The following ZNF18 variants were observed in gnomAD, a reference collection of about 807,000 sequenced individuals.
ZNF18 encodes heart development-specific gene 1 protein.
Under a neutral mutation model 58.1 loss-of-function variants are expected in ZNF18, and 42 were observed. That is an observed-to-expected ratio of 0.72 (90% CI 0.56 to 0.93). The LOEUF (loss-of-function observed/expected upper bound fraction) is 0.93. Ranked by LOEUF, ZNF18 falls within the 40% of genes least tolerant of loss-of-function variation. The probability of loss-of-function intolerance (pLI) is 0.00; values close to 1 mark genes in which losing one functional copy is unlikely to be tolerated. For synonymous variants in ZNF18, 231 were observed against 239.8 expected (o/e 0.96, Z 0.34); for missense variants, 540 against 644.2 (o/e 0.84, Z 1.75).
upstream of ZNF18, among the ~76,000 whole-genome samples, chr17:12,000,580 C>T (rs958896553): frequency 3.3e-5 from 5 of 152,042 alleles, no homozygotes; most frequent in South Asian, 2.1e-4. Flanking sequence ...TGGAGGTGCA[C>T]GCCTGTAATA....
At chr17:11,984,721 A>C (rs542075897) in intron 4 of ZNF18, among the ~76,000 whole-genome samples, 3 of 152,042 alleles carry the variant, frequency 2.0e-5, no homozygotes, top group South Asian at 2.1e-4. Flanking sequence ...CACCATCAGG[A>C]TGGTCTCGAT....
chr17:11,991,721 G>A (rs1243808869), intron 2 of ZNF18, among the ~76,000 whole-genome samples: 2 of 152,218 alleles, frequency 1.3e-5, no homozygotes, highest in East Asian at 1.9e-4. Flanking sequence ...CTGAGTTTAT[G>A]CTAGGCTCCT....
chr17:12,004,649 A>G, the ZNF18 span, among the ~76,000 whole-genome samples: 1 of 152,176 alleles, frequency 6.6e-6, no homozygotes, highest in Non-Finnish European at 1.5e-5. Flanking sequence ...GCACTTTGGG[A>G]GGCCGAGGCA....
the ZNF18 span, among the ~76,000 whole-genome samples, chr17:12,013,168 T>A: frequency 1.3e-5 from 2 of 152,002 alleles, no homozygotes; most frequent in Non-Finnish European, 2.9e-5. Context: ...GCTGGGAGGG[T>A]CTCCATCTCT....
In ZNF18 at chr17:11,992,655, A is replaced by G; in HGVS notation, c.175T>C (p.Leu59=). The G allele has an allele frequency of 1.2e-6, 2 of 1,614,256 alleles. No homozygotes were observed. Among genetic ancestry groups the G allele is most frequent in the African/African-American group, 2.7e-5 (2 of 75,068 alleles). Reference sequence around the variant, plus strand: ...AAACAGAGCTTCCGAAGTTGCTTCAAGGTCTCATGAGGCCCAGACATCACC... The same window carrying G: ...AAACAGAGCTTCCGAAGTTGCTTCAGGGTCTCATGAGGCCCAGACATCACC... ...YQVMSGPHET[L]KQLRKLCFQW... Residue 59 remains leucine, a synonymous_variant, in exon 2 of 7, where the codon TTG becomes CTG. Coordinates refer to ENST00000580306, the MANE Select transcript of ZNF18 (RefSeq NM_001303281.2).
chr17:12,010,788 C>T, the ZNF18 span: 1 of 385,708 alleles, frequency 2.6e-6, no homozygotes, highest in East Asian at 4.9e-5. Flanking sequence ...CAGGCTTCTT[C>T]CTACTGGTTC....
upstream of ZNF18, among the ~76,000 whole-genome samples, chr17:11,998,852 T>C (rs1357317829): frequency 2.6e-5 from 4 of 151,084 alleles, no homozygotes; most frequent in Admixed American, 2.6e-4. Context: ...TTTTTTGTAT[T>C]TTTGGTGGAG....
chr17:11,979,862 C>G (rs567197057), intron 6 of ZNF18, among the ~76,000 whole-genome samples: 121 of 152,204 alleles, frequency 7.9e-4, no homozygotes, highest in Non-Finnish European at 1.5e-3. Flanking sequence ...TTTAAAAAAG[C>G]CTTTATAAAT....
the ZNF18 span, among the ~76,000 whole-genome samples, chr17:12,005,220 A>C: frequency 3.3e-5 from 5 of 151,268 alleles, 1 homozygote; most frequent in Middle Eastern, 3.5e-3. Context: ...TATTATATAT[A>C]TAGAACATGA....
chr17:12,007,292 T>C, the ZNF18 span, among the ~76,000 whole-genome samples: 1 of 152,134 alleles, frequency 6.6e-6, no homozygotes, highest in Non-Finnish European at 1.5e-5. Context: ...GCTTCTGAAG[T>C]CTTTAGGCTT....
At chr17:11,996,205 G>C (rs1428402068) in intron 1 of ZNF18, among the ~76,000 whole-genome samples, 1 of 152,180 alleles carries the variant, frequency 6.6e-6, no homozygotes, top group African/African-American at 2.4e-5. Context: ...CTGAAAAGCA[G>C]CTTTAGCTCA....
At chr17:12,015,525 T>G in the ZNF18 span, among the ~76,000 whole-genome samples, 1 of 152,218 alleles carries the variant, frequency 6.6e-6, no homozygotes, top group Non-Finnish European at 1.5e-5. Context: ...ACATTTTTAG[T>G]TTTGTTATGT....
intron 1 of ZNF18, among the ~76,000 whole-genome samples, chr17:11,994,354 TAC>T (rs765966597): frequency 2.0e-5 from 3 of 152,102 alleles, no homozygotes; most frequent in Non-Finnish European, 4.4e-5. Flanking sequence ...TCAAAAGAAT[TAC>T]AGTTGACCAT....
chr17:11,991,900 T>C (rs1968149815), intron 2 of ZNF18, among the ~76,000 whole-genome samples: 1 of 152,044 alleles, frequency 6.6e-6, no homozygotes, highest in Non-Finnish European at 1.5e-5. Flanking sequence ...GAAGCCTCCA[T>C]AAAAATCCCT....
At chr17:12,016,014 C>T in the ZNF18 span, among the ~76,000 whole-genome samples, 2 of 152,206 alleles carry the variant, frequency 1.3e-5, no homozygotes, top group Non-Finnish European at 2.9e-5. Context: ...TGGTCTCAAA[C>T]ACCTGACCTC....
chr17:12,021,259 G>GC, the ZNF18 span: 1,193 of 251,468 alleles, frequency 4.7e-3, 16 homozygotes, highest in African/African-American at 0.026. Flanking sequence ...CTCTCAGCAG[G>GC]CCCGCAGGGC....
intron 6 of ZNF18, among the ~76,000 whole-genome samples, chr17:11,979,511 A>C (rs1967204316): frequency 6.6e-6 from 1 of 152,196 alleles, no homozygotes; most frequent in African/African-American, 2.4e-5. Context: ...CCCTTTATTA[A>C]ATCACACTAG....
intron 1 of ZNF18, among the ~76,000 whole-genome samples, chr17:11,994,318 A>G (rs1349174263): frequency 6.6e-6 from 1 of 152,130 alleles, no homozygotes; most frequent in Non-Finnish European, 1.5e-5. Context: ...TTTTTTTTCA[A>G]GGGCCTGAGA....
At chr17:12,016,186 T>C in the ZNF18 span, among the ~76,000 whole-genome samples, 1 of 152,214 alleles carries the variant, frequency 6.6e-6, no homozygotes, top group Non-Finnish European at 1.5e-5. Context: ...TGACAAGTGC[T>C]TACCCTTGTG....
Sources: allele counts gnomAD v4.1 joint callset (sites outside exome capture counted in the v4.1 genomes callset), GRCh38; gene constraint gnomAD v4.1.1; transcripts MANE v1.5; gene names NCBI Gene and HGNC (gene_info 2026-07-23, HGNC 2026-07-21).